Variants in KIF26B observed in about 807,000 individuals in gnomAD.
KIF26B encodes the protein kinesin-like protein KIF26B.
KIF26B carries 63 observed loss-of-function variants against 151.2 expected under a neutral mutation model. The ratio of observed to expected loss-of-function variants is 0.42; its 90% CI spans 0.34 to 0.51. The LOEUF is 0.51. Ranked by LOEUF, KIF26B falls within the 20% of genes least tolerant of loss-of-function variation. The probability of loss-of-function intolerance (pLI) is 0.07; values close to 1 mark genes in which losing one functional copy is unlikely to be tolerated. For missense variants in KIF26B, 2,813 were observed against 2,913.6 expected (o/e 0.97, Z 0.79); for synonymous variants, 1,357 against 1,262.1 (o/e 1.08, Z -1.59).
intron 4 of KIF26B, among the ~76,000 whole-genome samples, chr1:245,421,000 G>T (rs1756911): frequency 3.3e-5 from 5 of 152,088 alleles, no homozygotes; most frequent in Admixed American, 3.3e-4. Flanking sequence ...GTTTATTGTC[G>T]TATGAACACT....
chr1:245,528,399 C>G (rs917688904), intron 4 of KIF26B, among the ~76,000 whole-genome samples: 1 of 152,154 alleles, frequency 6.6e-6, no homozygotes, highest in African/African-American at 2.4e-5. Context: ...GGATCCTGCC[C>G]GCTGTGCTTT....
intron 2 of KIF26B, among the ~76,000 whole-genome samples, chr1:245,188,280 C>A (rs1234998026): frequency 3.0e-4 from 1 of 3,330 alleles, no homozygotes; most frequent in African/African-American, 8.2e-4. Flanking sequence ...AACTCCATCT[C>A]CAAAAAAAAA....
chr1:245,604,023 G>A (rs1396097100), intron 6 of KIF26B, among the ~76,000 whole-genome samples: 3 of 152,134 alleles, frequency 2.0e-5, no homozygotes, highest in East Asian at 3.9e-4. Flanking sequence ...ATTCACCCTG[G>A]AGCTTTGGTG....
At chr1:245,181,089 C>T (rs956862019) in intron 2 of KIF26B, among the ~76,000 whole-genome samples, 3 of 152,112 alleles carry the variant, frequency 2.0e-5, no homozygotes, top group Admixed American at 2.0e-4. Context: ...AAGCTCTCAG[C>T]GACCTTTCTG....
At chr1:245,612,097 TGTGTGTGTGAGAGAGA>T (rs1250484155) in intron 9 of KIF26B, 121 bp downstream of exon 9, 55 of 654,650 alleles carry the variant, frequency 8.4e-5, no homozygotes, top group Middle Eastern at 4.0e-4. Context: ...TGTGTGTGTG[TGTGTGTGTGAGAGAGA>T]GAGAGAGAGA....
intron 5 of KIF26B, among the ~76,000 whole-genome samples, chr1:245,553,612 C>T (rs996490019): frequency 3.9e-4 from 60 of 152,138 alleles, no homozygotes; most frequent in Non-Finnish European, 8.4e-4. Flanking sequence ...GATGAAAGTA[C>T]ATTAATACTC....
At chr1:245,588,666 A>G (rs56006834) in intron 5 of KIF26B, among the ~76,000 whole-genome samples, 4,099 of 152,262 alleles carry the variant, frequency 0.027, 214 homozygotes, top group African/African-American at 0.093. Context: ...AAAATGAAGG[A>G]ACTCTTACGT....
chr1:245,541,971 A>G (rs1467532275), intron 5 of KIF26B, among the ~76,000 whole-genome samples: 2 of 151,950 alleles, frequency 1.3e-5, no homozygotes, highest in African/African-American at 4.8e-5. Flanking sequence ...GTGTCCTTCC[A>G]TGCTCTCCCA....
At chr1:245,550,766 G>C (rs1240991140) in intron 5 of KIF26B, among the ~76,000 whole-genome samples, 1 of 152,222 alleles carries the variant, frequency 6.6e-6, no homozygotes, top group African/African-American at 2.4e-5. Flanking sequence ...CTCACTCACT[G>C]ACTGTCATTA....
chr1:245,673,369 AGT>A (rs2044318290), intron 10 of KIF26B, among the ~76,000 whole-genome samples: 9 of 130,246 alleles, frequency 6.9e-5, no homozygotes, highest in Non-Finnish European at 1.5e-4. Context: ...TCTTAGGCCC[AGT>A]CCCCGCTGCG....
At chr1:245,470,638 G>T (rs1659891441) in intron 4 of KIF26B, among the ~76,000 whole-genome samples, 1 of 151,934 alleles carries the variant, frequency 6.6e-6, no homozygotes, top group African/African-American at 2.4e-5. Flanking sequence ...CACCGAGTTA[G>T]CCAGGATGGT....
chr1:245,611,162 T>G (rs2043516289), intron 8 of KIF26B, among the ~76,000 whole-genome samples: 1 of 152,194 alleles, frequency 6.6e-6, no homozygotes, highest in Admixed American at 6.5e-5. Flanking sequence ...TAAATAGGTA[T>G]CTCCTAAATT....
At position 245,702,619 on chromosome 1, in the gene KIF26B, C is replaced by G. The variant is rs1034306189; in HGVS notation, c.*13C>G. The G allele has an allele frequency of 1.9e-6, 3 of 1,611,546 alleles. No individual in the cohort carries two copies. Among genetic ancestry groups the G allele is most frequent in the Non-Finnish European group, 2.5e-6 (3 of 1,178,440 alleles). The stretch of plus-strand genomic sequence containing the variant: ...CAGGCGCCGGTAGATGAGCCAGACC[C>G]TTGTCCTAGTGGTCCCCCGCTCCCC... On this transcript the variant is annotated 3_prime_UTR_variant, in exon 15 of 15. Coordinates refer to ENST00000407071, the MANE Select transcript of KIF26B (RefSeq NM_018012.4). This position sits in a 1 kb window ranked among gnomAD's most constrained non-coding sequence, Gnocchi z 4.1.
intron 5 of KIF26B, among the ~76,000 whole-genome samples, chr1:245,599,155 C>T (rs2043365411): frequency 6.6e-6 from 1 of 152,142 alleles, no homozygotes; most frequent in Non-Finnish European, 1.5e-5. Context: ...TTCTTGATCA[C>T]AAGTGGTATC....
intron 9 of KIF26B, among the ~76,000 whole-genome samples, chr1:245,623,044 T>G (rs548468164): frequency 0.064 from 9,098 of 142,382 alleles, 609 homozygotes; most frequent in African/African-American, 0.17. Flanking sequence ...TTTTTTTTTT[T>G]TTTTTTTTGT....
intron 5 of KIF26B, among the ~76,000 whole-genome samples, chr1:245,589,119 C>T (rs911953242): frequency 3.3e-5 from 5 of 152,158 alleles, no homozygotes; most frequent in Non-Finnish European, 5.9e-5. Flanking sequence ...TAGATAAGAC[C>T]GTTCCAGATT....
At position 245,589,688 on chromosome 1, in the gene KIF26B, C is replaced by T. The variant is rs1439610965; in HGVS notation, c.1351-12889C>T. Among the ~76,000 whole-genome samples, 6 of 152,116 alleles carry T rather than the reference C, an allele frequency of 3.9e-5. No homozygotes were observed. In the South Asian group the frequency reaches 6.2e-4, roughly 16 times the overall value. ...TCTTAGATAACTAGGTTGTTGATTA[C>T]GGTGCTTTGCCAAACTCCACGGTGG... On this transcript the variant is annotated intron_variant, in intron 5 of 14. Coordinates refer to ENST00000407071, the MANE Select transcript of KIF26B (RefSeq NM_018012.4).
chr1:245,438,600 C>T (rs932015383), intron 4 of KIF26B, among the ~76,000 whole-genome samples: 1 of 152,070 alleles, frequency 6.6e-6, no homozygotes, highest in African/African-American at 2.4e-5. Flanking sequence ...CGTGAATGTT[C>T]ATGGCAGTGT....
chr1:245,645,628 G>A (rs1305970610), intron 9 of KIF26B, among the ~76,000 whole-genome samples: 1 of 152,156 alleles, frequency 6.6e-6, no homozygotes, highest in Non-Finnish European at 1.5e-5. Flanking sequence ...TCTGCACCTG[G>A]TCGTTACTTC....
Sources: gnomAD v4.1 joint callset for allele counts (sites outside exome capture counted in the v4.1 genomes callset) on GRCh38, gnomAD v4.1.1 for gene constraint, Gnocchi (gnomAD v3.1) non-coding constraint, MANE v1.5 for transcripts, NCBI Gene and HGNC (gene_info 2026-07-23, HGNC 2026-07-21) for gene names.